Variants in TENM3 observed in about 807,000 individuals in gnomAD.
TENM3 encodes the protein teneurin-3.
In TENM3, 63 loss-of-function variants were observed where a neutral mutation model predicts 255.1. That is an observed-to-expected ratio of 0.25 (90% CI 0.20 to 0.30). The LOEUF is 0.30. Ranked by LOEUF, TENM3 falls within the 10% of genes least tolerant of loss-of-function variation. The pLI is 1.00. For missense variants in TENM3, 2,929 were observed against 3,461.1 expected (o/e 0.85, Z 3.86); for synonymous variants, 1,306 against 1,322.3 (o/e 0.99, Z 0.27).
At chr4:181,572,921 C>T in the TENM3 span, among the ~76,000 whole-genome samples, 7 of 152,152 alleles carry the variant, frequency 4.6e-5, no homozygotes, top group Non-Finnish European at 2.9e-5. Context: ...GGTAACCATC[C>T]TTCTACTCTC....
chr4:181,972,755 C>G, the TENM3 span, among the ~76,000 whole-genome samples: 2 of 152,182 alleles, frequency 1.3e-5, no homozygotes, highest in African/African-American at 4.8e-5. Context: ...GATTGAATTT[C>G]CAGATCCCAG....
the TENM3 span, among the ~76,000 whole-genome samples, chr4:182,056,448 A>G: frequency 6.6e-6 from 1 of 152,160 alleles, no homozygotes; most frequent in Non-Finnish European, 1.5e-5. Flanking sequence ...TTTATCAACA[A>G]CAGAGTTAGC....
the TENM3 span, among the ~76,000 whole-genome samples, chr4:181,857,319 G>A: frequency 6.6e-6 from 1 of 150,948 alleles, no homozygotes; most frequent in African/African-American, 2.4e-5. Flanking sequence ...ACAGACGTCA[G>A]AGGGAAGGCC....
the TENM3 span, among the ~76,000 whole-genome samples, chr4:181,462,234 C>CAGT: frequency 6.6e-6 from 1 of 152,054 alleles, no homozygotes; most frequent in Non-Finnish European, 1.5e-5. Context: ...CGGGAATTTC[C>CAGT]AGTAGTAGTA....
the TENM3 span, among the ~76,000 whole-genome samples, chr4:181,922,946 A>T: frequency 6.6e-6 from 1 of 151,990 alleles, no homozygotes; most frequent in Non-Finnish European, 1.5e-5. Context: ...CTTTGTTCTC[A>T]TTGGTTTCAA....
At chr4:181,715,401 C>A in the TENM3 span, among the ~76,000 whole-genome samples, 4 of 152,128 alleles carry the variant, frequency 2.6e-5, no homozygotes, top group East Asian at 7.7e-4. Flanking sequence ...GGGATACATT[C>A]CTCAAACTGG....
chr4:181,794,227 A>G, the TENM3 span, among the ~76,000 whole-genome samples: 1 of 152,328 alleles, frequency 6.6e-6, no homozygotes, highest in East Asian at 1.9e-4. Flanking sequence ...TACCACAGTA[A>G]AACTAATTAA....
At chr4:181,635,307 C>A in the TENM3 span, among the ~76,000 whole-genome samples, 1,076 of 152,262 alleles carry the variant, frequency 7.1e-3, 15 homozygotes, top group African/African-American at 0.024. Context: ...ATTTACTCTG[C>A]AGTGAAAATA....
intron 1 of TENM3, among the ~76,000 whole-genome samples, chr4:182,307,170 G>C (rs558419857): frequency 4.6e-5 from 7 of 152,290 alleles, no homozygotes; most frequent in African/African-American, 1.7e-4. Context: ...AATTGTGAAG[G>C]GGGAGGAAAG....
chr4:182,412,857 T>G (rs1196226900), intron 3 of TENM3, among the ~76,000 whole-genome samples: 1 of 147,574 alleles, frequency 6.8e-6, no homozygotes, highest in South Asian at 2.1e-4. Flanking sequence ...AGAGTGAGAC[T>G]CTGTCTCAAA....
At chr4:182,486,629 A>C (rs1024551526) in intron 3 of TENM3, among the ~76,000 whole-genome samples, 1 of 152,200 alleles carries the variant, frequency 6.6e-6, no homozygotes, top group Non-Finnish European at 1.5e-5. Context: ...GTCCAGGATC[A>C]CAAAAGCCAC....
intron 5 of TENM3, among the ~76,000 whole-genome samples, chr4:182,644,421 C>T (rs1752563437): frequency 6.6e-6 from 1 of 152,150 alleles, no homozygotes; most frequent in South Asian, 2.1e-4. Flanking sequence ...TTTTTGGTTT[C>T]AAGTGTTCCA....
intron 12 of TENM3, chr4:182,711,471 C>G: frequency 3.9e-6 from 1 of 254,168 alleles, no homozygotes; most frequent in Non-Finnish European, 6.2e-6. Context: ...AGTCTTATGT[C>G]AGCTGAAGCT....
intron 6 of TENM3, among the ~76,000 whole-genome samples, chr4:182,672,302 C>T (rs934589304): frequency 1.3e-5 from 2 of 152,122 alleles, no homozygotes; most frequent in African/African-American, 4.8e-5. Context: ...CATCAAAGAT[C>T]AGTGTGGTCA....
the TENM3 span, among the ~76,000 whole-genome samples, chr4:181,560,051 G>A: frequency 6.6e-6 from 1 of 152,070 alleles, no homozygotes; most frequent in Non-Finnish European, 1.5e-5. Flanking sequence ...AGTTTGTTTA[G>A]GCTACTGTAA....
chr4:181,911,684 A>C, the TENM3 span, among the ~76,000 whole-genome samples: 1 of 152,296 alleles, frequency 6.6e-6, no homozygotes, highest in African/African-American at 2.4e-5. Flanking sequence ...CTGGCACATA[A>C]AAATCCACAT....
the TENM3 span, among the ~76,000 whole-genome samples, chr4:181,459,369 A>T: frequency 6.6e-6 from 1 of 151,890 alleles, no homozygotes; most frequent in African/African-American, 2.4e-5. Context: ...GATTAGGTAG[A>T]CTTCATCAAT....
At chr4:181,464,524 A>G in the TENM3 span, among the ~76,000 whole-genome samples, 3 of 152,196 alleles carry the variant, frequency 2.0e-5, no homozygotes, top group African/African-American at 7.2e-5. Flanking sequence ...TGGTTGCAAG[A>G]GTTCTTAAAA....
At chr4:182,336,047 A>G (rs1182342268) in intron 2 of TENM3, among the ~76,000 whole-genome samples, 1 of 152,190 alleles carries the variant, frequency 6.6e-6, no homozygotes, top group African/African-American at 2.4e-5. Flanking sequence ...ATGCCTAGGA[A>G]GTTTCTCCCC....
Sources: gnomAD v4.1 joint callset for allele counts (sites outside exome capture counted in the v4.1 genomes callset) on GRCh38, gnomAD v4.1.1 for gene constraint, MANE v1.5 for transcripts, NCBI Gene and HGNC (gene_info 2026-07-23, HGNC 2026-07-21) for gene names.